NRIP1: variants seen among roughly 807,000 people sequenced by gnomAD.
NRIP1 encodes the protein nuclear receptor-interacting protein 1.
In NRIP1, 28 loss-of-function variants were observed where a neutral mutation model predicts 75.0. The observed-to-expected ratio is 0.37, with a 90% CI of 0.28 to 0.51. The LOEUF is 0.51. Among genes scored for constraint, NRIP1 ranks in the 20% least tolerant of loss-of-function variants. The probability of loss-of-function intolerance (pLI) is 0.92; values close to 1 mark genes in which losing one functional copy is unlikely to be tolerated. For synonymous variants in NRIP1, 526 were observed against 487.6 expected, an observed-to-expected ratio of 1.08 and a Z score of -1.04; for missense variants, 1,435 against 1,343.7, an observed-to-expected ratio of 1.07 and a Z score of -1.06.
chr21:14,983,801 T>C (rs1322986474), intron 3 of NRIP1, among the ~76,000 whole-genome samples: 1 of 152,192 alleles, frequency 6.6e-6, no homozygotes. Context: ...CTTTGCTACA[T>C]AAATGGAACA....
intron 1 of NRIP1, among the ~76,000 whole-genome samples, chr21:15,047,488 T>C (rs1224069238): frequency 2.0e-5 from 3 of 152,114 alleles, no homozygotes; most frequent in Non-Finnish European, 4.4e-5. Flanking sequence ...TGCAGTGAGC[T>C]GAGACCGCGC....
intron 2 of NRIP1, among the ~76,000 whole-genome samples, chr21:15,042,756 T>A (rs887963938): frequency 1.3e-5 from 2 of 152,280 alleles, no homozygotes; most frequent in South Asian, 4.1e-4. Flanking sequence ...CTGTGAGAAA[T>A]AAACCTCTAT....
At chr21:15,045,003 T>C (rs781485355) in intron 1 of NRIP1, among the ~76,000 whole-genome samples, 6 of 152,220 alleles carry the variant, frequency 3.9e-5, no homozygotes, top group Admixed American at 3.3e-4. Flanking sequence ...GGTAGTTTTA[T>C]ATGGACCAAC....
rs978036027 is a variant in NRIP1 at position 14,966,127 on chromosome 21, C to G, written c.2066G>C (p.Ser689Thr). The change falls in exon 4 of 4, where the codon AGT (serine) becomes ACT (threonine). Residue 689 changes from serine (S) to threonine (T), a missense_variant. Ser to Thr is a moderately conservative substitution (Grantham distance 58). Transcript: ENST00000318948. ...CCCTGGTTCAGGACCTGTTGGTTGA[C>G]TACTAAATGCTTTATTTTCTTCAAC... ...NAVEENKAFSSQPTGPEPGLS... is the reference protein window; with the variant it reads ...NAVEENKAFSTQPTGPEPGLS... 6.2e-7 allele frequency: 1 copy of G among 1,612,620 alleles called. No homozygotes were observed.
intron 1 of NRIP1, among the ~76,000 whole-genome samples, chr21:15,047,646 T>C (rs1322641094): frequency 6.6e-6 from 1 of 152,116 alleles, no homozygotes; most frequent in East Asian, 1.9e-4. Context: ...TTCAATTACC[T>C]CCCACTGGGT....
rs111991256 is a variant in NRIP1 at position 15,006,027 on chromosome 21, TA to T, written c.-335+8316del. Among the ~76,000 whole-genome samples the T allele has an allele frequency of 0.018, 2,761 of 151,700 alleles. 229 individuals are homozygous for T. The East Asian group carries it at 0.27, about 15-fold the overall frequency. On this transcript the variant is annotated intron_variant, in intron 3 of 3. Coordinates refer to ENST00000318948, the MANE Select transcript of NRIP1 (RefSeq NM_003489.4). ...TATTTATCTCTAGAATTTTCATTTT[TA>T]AAAAAAAATACATGGTTTTAGTTGG... is the stretch of plus-strand genomic sequence containing the variant.
intron 2 of NRIP1, among the ~76,000 whole-genome samples, chr21:15,042,677 T>C (rs1172780795): frequency 6.6e-6 from 1 of 152,220 alleles, no homozygotes; most frequent in Non-Finnish European, 1.5e-5. Context: ...CAGCCATCTA[T>C]GAGGAACAGG....
intron 2 of NRIP1, among the ~76,000 whole-genome samples, chr21:15,025,646 C>A (rs1057407039): frequency 2.6e-5 from 4 of 152,062 alleles, no homozygotes; most frequent in African/African-American, 9.7e-5. Flanking sequence ...ATCAAGTAAT[C>A]CCAGTGAAAA....
At chr21:15,049,495 C>T (rs1455976265) in intron 1 of NRIP1, among the ~76,000 whole-genome samples, 1 of 151,966 alleles carries the variant, frequency 6.6e-6, no homozygotes, top group Non-Finnish European at 1.5e-5. Context: ...GCAATTGTAA[C>T]ACAAACAAGG....
chr21:15,002,775 C>T (rs1405486609), intron 3 of NRIP1, among the ~76,000 whole-genome samples: 1 of 152,114 alleles, frequency 6.6e-6, no homozygotes, highest in African/African-American at 2.4e-5. Context: ...CAGGTATTAA[C>T]ATAGGGTTAA....
intron 3 of NRIP1, among the ~76,000 whole-genome samples, chr21:15,001,559 G>T (rs1438025414): frequency 6.6e-6 from 1 of 151,376 alleles, no homozygotes; most frequent in African/African-American, 2.4e-5. Flanking sequence ...AACAATCACA[G>T]AATTAAAAAA....
At chr21:15,023,496 G>A (rs1235664051) in intron 2 of NRIP1, among the ~76,000 whole-genome samples, 1 of 152,082 alleles carries the variant, frequency 6.6e-6, no homozygotes, top group African/African-American at 2.4e-5. Context: ...AGGAAGAAAA[G>A]TAACTTGTAA....
chr21:15,012,709 C>A (rs902881868), intron 3 of NRIP1, among the ~76,000 whole-genome samples: 1 of 151,958 alleles, frequency 6.6e-6, no homozygotes, highest in Non-Finnish European at 1.5e-5. Flanking sequence ...CCTTGGCCTC[C>A]CAAAGTGCTG....
chr21:15,006,755 G>A (rs146708213), intron 3 of NRIP1, among the ~76,000 whole-genome samples: 332 of 152,320 alleles, frequency 2.2e-3, no homozygotes, highest in Admixed American at 4.3e-3. Context: ...GAAAAGGACA[G>A]AGTAATAACA....
chr21:15,003,419 A>T lies in NRIP1; in HGVS notation c.-335+10925T>A, dbSNP rs140240611. On this transcript the variant is annotated intron_variant, in intron 3 of 3. Coordinates refer to ENST00000318948, the MANE Select transcript of NRIP1 (RefSeq NM_003489.4). ...AAATCAGTAGGAACAATTAAGAAAT[A>T]CTAGGGACTCAATGAAGTATTGCAA... is the stretch of plus-strand genomic sequence containing the variant. Among the ~76,000 whole-genome samples the T allele has an allele frequency of 3.3e-5, 5 of 152,354 alleles. No homozygotes were observed. The East Asian group carries it at 7.7e-4, about 23-fold the overall frequency.
chr21:14,964,025 T>G lies in NRIP1; in HGVS notation c.*691A>C, dbSNP rs1415815152. ...ATACAAAAAATGGAAATCTGCCTTT[T>G]TTTTAAAGGATCTATCAAACTTCCC... On this transcript the variant is annotated 3_prime_UTR_variant, in exon 4 of 4. Transcript: ENST00000318948. The G allele has an allele frequency of 6.6e-6, 1 of 152,606 alleles. No homozygotes were observed. Among genetic ancestry groups the G allele is most frequent in the East Asian group, 1.9e-4 (1 of 5,200 alleles). 9.5% of individuals were successfully genotyped at this position (152,606 alleles called of 1,614,324 possible).
intron 1 of NRIP1, among the ~76,000 whole-genome samples, chr21:15,045,305 T>C (rs976040503): frequency 3.9e-5 from 6 of 152,154 alleles, no homozygotes; most frequent in Non-Finnish European, 8.8e-5. Flanking sequence ...AGAGATATAG[T>C]GGGTTCCATT....
At chr21:15,032,666 C>T (rs1457096452) in intron 2 of NRIP1, among the ~76,000 whole-genome samples, 1 of 152,194 alleles carries the variant, frequency 6.6e-6, no homozygotes, top group Non-Finnish European at 1.5e-5. Context: ...GAGAGGATGT[C>T]TTGCTCATTG....
chr21:14,966,697 G>A lies in NRIP1; in HGVS notation c.1496C>T (p.Thr499Ile). Residue 499 changes from threonine to isoleucine, a missense_variant, in exon 4 of 4, where the codon ACA (threonine) becomes ATA (isoleucine). Thr to Ile is a moderately conservative substitution (Grantham distance 89). Transcript: ENST00000318948. ...ATGGCCAAGTAGCAATTGAAGAAGTGTTACTTTCTGGTGTGAGTTTAGCTT... is the reference window on the plus strand; with the variant it reads ...ATGGCCAAGTAGCAATTGAAGAAGTATTACTTTCTGGTGTGAGTTTAGCTT... ...NSKLNSHQKV[T>I]LLQLLLGHKN... The A allele has an allele frequency of 6.2e-7, 1 of 1,614,096 alleles. No individual in the cohort carries two copies. Among genetic ancestry groups the A allele is most frequent in the African/African-American group, 1.3e-5 (1 of 75,036 alleles).
Sources: gnomAD v4.1 joint callset for allele counts (sites outside exome capture counted in the v4.1 genomes callset) on GRCh38, gnomAD v4.1.1 for gene constraint, MANE v1.5 for transcripts, NCBI Gene and HGNC (gene_info 2026-07-23, HGNC 2026-07-21) for gene names.